ZNF609: variants seen among roughly 807,000 people sequenced by gnomAD.
ZNF609 encodes zinc finger protein 609.
ZNF609 carries 11 observed loss-of-function variants against 109.5 expected under a neutral mutation model. That is an observed-to-expected ratio of 0.10 (90% CI 0.06 to 0.17). The LOEUF (loss-of-function observed/expected upper bound fraction) is 0.17, where lower values mean the gene tolerates loss of function less well. Ranked by LOEUF, ZNF609 falls within the 10% of genes least tolerant of loss-of-function variation. The probability of loss-of-function intolerance (pLI) is 1.00; values close to 1 mark genes in which losing one functional copy is unlikely to be tolerated. For missense variants in ZNF609, 1,559 were observed against 1,772.4 expected (o/e 0.88, Z 2.16); for synonymous variants, 646 against 662.0 (o/e 0.98, Z 0.37).
chr15:64,537,054 C>T (rs1413149489), intron 2 of ZNF609, among the ~76,000 whole-genome samples: 1 of 151,576 alleles, frequency 6.6e-6, no homozygotes, highest in African/African-American at 2.4e-5. Flanking sequence ...GAAACCCCGT[C>T]TCTACTAAAA....
In ZNF609 at chr15:64,675,047, C is replaced by A. The variant is rs1401950447; in HGVS notation, c.2193C>A (p.Asp731Glu). The A allele has an allele frequency of 3.7e-6, 6 of 1,612,954 alleles. No homozygotes were observed. Among genetic ancestry groups the A allele is most frequent in the Non-Finnish European group, 5.1e-6 (6 of 1,179,694 alleles). ...CAGCCAAGGACAAGAAAAAGAAAGA[C>A]AAAAAAAAGAAGGAATCTTCAAAGG... is the stretch of plus-strand genomic sequence containing the variant. ...LTPAKDKKKKDKKKKESSKEL... is the reference protein window; with the variant it reads ...LTPAKDKKKKEKKKKESSKEL... Residue 731 changes from aspartate to glutamate, a missense_variant, in exon 5 of 10, where the codon GAC becomes GAA. Transcript: ENST00000326648.
intron 2 of ZNF609, 180 bp downstream of exon 2, chr15:64,500,346 C>T: frequency 1.1e-6 from 1 of 885,690 alleles, no homozygotes; most frequent in African/African-American, 1.6e-5. Flanking sequence ...GATTCCCCTA[C>T]AGACTCATTT....
intron 1 of ZNF609, among the ~76,000 whole-genome samples, chr15:64,466,901 A>T (rs1035191165): frequency 3.3e-5 from 5 of 151,646 alleles, no homozygotes; most frequent in Non-Finnish European, 5.9e-5. Context: ...CACAACCCAG[A>T]TCCTCCACCT....
At chr15:64,648,137 A>G (rs1489225849) in intron 3 of ZNF609, among the ~76,000 whole-genome samples, 1 of 152,206 alleles carries the variant, frequency 6.6e-6, no homozygotes, top group Non-Finnish European at 1.5e-5. Flanking sequence ...CACCGAAAAT[A>G]CGAGCTCCTG....
rs1895329885 is a variant in ZNF609, at chr15:64,593,107, CAT to C, written c.748-29718_748-29717del. ...CCATTAAGAAATTCGTCATTCGAAA[CAT>C]AGTGGAGTCCGCAGCAGTCAGGGAC... On this transcript the variant is annotated intron_variant, in intron 2 of 9. Coordinates refer to ENST00000326648, the MANE Select transcript of ZNF609 (RefSeq NM_015042.2). 1.9e-6 allele frequency: 3 copies of C among 1,592,964 alleles called. No individual in the cohort carries two copies. The South Asian group carries it at 3.3e-5, about 18-fold the overall frequency.
At position 64,685,148 on chromosome 15, in the gene ZNF609, C is replaced by T. The variant is rs1251514604; in HGVS notation, c.*3462C>T. ...CTTCCCTTCTGTAAAGTGTACATTA[C>T]CAAGTTCCTTGTTTTTTTATATATA... is the stretch of plus-strand genomic sequence containing the variant. On this transcript the variant is annotated 3_prime_UTR_variant, in exon 10 of 10. Transcript: ENST00000326648. 1 of 151,522 alleles carries T rather than the reference C, an allele frequency of 6.6e-6. No homozygotes were observed. The highest frequency in any genetic ancestry group is 1.5e-5 in the Non-Finnish European group (1 of 67,870). The allele number at this position is 151,522 out of a possible 1,614,324, so 9.4% of individuals were successfully genotyped here.
chr15:64,609,096 C>CTT (rs1194226131), intron 2 of ZNF609, among the ~76,000 whole-genome samples: 34 of 33,710 alleles, frequency 1.0e-3, no homozygotes, highest in African/African-American at 1.8e-3. Flanking sequence ...TTCTTTCTTT[C>CTT]TTTCTTTCTT....
At chr15:64,490,835 G>A (rs760775199) in intron 1 of ZNF609, among the ~76,000 whole-genome samples, 33 of 152,216 alleles carry the variant, frequency 2.2e-4, no homozygotes, top group Non-Finnish European at 4.4e-4. Context: ...TGATGGAAGA[G>A]TCAGTTGCTT....
In ZNF609 at chr15:64,674,332, T is replaced by C. The variant is rs908899334; in HGVS notation, c.1478T>C (p.Val493Ala). ...TVLDRNCPSP[V>A]LIDCPHPNCN... ...CTGGACAGAAACTGCCCCTCCCCCG[T>C]CCTAATTGACTGTCCCCACCCAAAC... Residue 493 changes from valine to alanine, a missense_variant, in exon 5 of 10, where the codon GTC becomes GCC. Coordinates refer to ENST00000326648, the MANE Select transcript of ZNF609 (RefSeq NM_015042.2). The C allele has an allele frequency of 6.2e-7, 1 of 1,613,850 alleles. No individual in the cohort carries two copies. Among genetic ancestry groups the C allele is most frequent in the Non-Finnish European group, 8.5e-7 (1 of 1,179,986 alleles).
rs766997169 is a variant in ZNF609 at position 64,676,104 on chromosome 15, G to A, written c.3250G>A (p.Asp1084Asn). 6 of 1,614,112 alleles carry A rather than the reference G, an allele frequency of 3.7e-6. No individual in the cohort carries two copies. Among genetic ancestry groups the A allele is most frequent in the Admixed American group, 1.7e-5 (1 of 60,016 alleles). Reference protein sequence around the residue: ...PAKSVIIPKLDDSSKLPGQAP... With the variant: ...PAKSVIIPKLNDSSKLPGQAP... The stretch of plus-strand genomic sequence containing the variant: ...CAAATCAGTCATCATTCCCAAGTTA[G>A]ATGACTCTTCAAAACTCCCGGGCCA... Residue 1084 changes from aspartate (D) to asparagine (N), a missense_variant, in exon 5 of 10, where the codon GAT becomes AAT. This residue lies in a region of ZNF609 where 1,204 missense variants were observed against 1,314.1 expected (regional missense o/e 0.92). Transcript: ENST00000326648.
intron 2 of ZNF609, among the ~76,000 whole-genome samples, chr15:64,581,604 C>T (rs1168066124): frequency 6.6e-6 from 1 of 152,084 alleles, no homozygotes; most frequent in Non-Finnish European, 1.5e-5. Flanking sequence ...ATGATAATTC[C>T]CTGGGAATGA....
At chr15:64,555,763 T>C (rs1324494822) in intron 2 of ZNF609, among the ~76,000 whole-genome samples, 1 of 151,428 alleles carries the variant, frequency 6.6e-6, no homozygotes, top group South Asian at 2.1e-4. Context: ...GTGCCTGTAA[T>C]CCCAGCTACT....
At chr15:64,494,532 A>ATGTTTT (rs1216998141) in intron 1 of ZNF609, among the ~76,000 whole-genome samples, 16 of 151,968 alleles carry the variant, frequency 1.1e-4, no homozygotes, top group African/African-American at 3.9e-4. Context: ...ACATATATAT[A>ATGTTTT]TGTTTTTGTT....
chr15:64,601,177 C>G lies in ZNF609; in HGVS notation c.748-21650C>G, dbSNP rs568145900. Among the ~76,000 whole-genome samples the G allele has an allele frequency of 6.6e-5, 10 of 152,236 alleles. No homozygotes were observed. The South Asian group carries it at 8.3e-4, about 13-fold the overall frequency. On this transcript the variant is annotated intron_variant, in intron 2 of 9. Coordinates refer to ENST00000326648, the MANE Select transcript of ZNF609 (RefSeq NM_015042.2). ...AATAATTTTATTTTACAATAAAGCC[C>G]TTTCTTCCCATGAAACCTAGAGCAT...
At chr15:64,482,375 C>T (rs1398350771) in intron 1 of ZNF609, among the ~76,000 whole-genome samples, 1 of 151,502 alleles carries the variant, frequency 6.6e-6, no homozygotes, top group Non-Finnish European at 1.5e-5. Flanking sequence ...ATTTCCTATA[C>T]GTTTTTTTTT....
chr15:64,500,791 G>A lies in ZNF609; in HGVS notation c.747+625G>A, dbSNP rs192181027. ...TTGTGGTTATGACAGTTTGGCCTAG[G>A]AAGAGATTGGCCATTAAAGGTGTAG... On this transcript the variant is annotated intron_variant, in intron 2 of 9. Transcript: ENST00000326648. 680 of 196,788 alleles carry A rather than the reference G, an allele frequency of 3.5e-3. 4 individuals are homozygous for A. The highest frequency in any genetic ancestry group is 3.7e-3 in the Non-Finnish European group (353 of 95,760). The allele number at this position is 196,788 out of a possible 1,614,324, so 12.2% of individuals were successfully genotyped here. A position where few individuals can be genotyped will look rare whatever the true frequency, so the allele number is the denominator to read the frequency against.
intron 4 of ZNF609, among the ~76,000 whole-genome samples, chr15:64,672,006 CTTTTTTTTT>C (rs771330218): frequency 2.3e-5 from 2 of 86,754 alleles, no homozygotes; most frequent in African/African-American, 1.1e-4. Context: ...GAGGCTTAGA[CTTTTTTTTT>C]TTTTTTTTTT....
At chr15:64,593,688 G>GGCTAATGTTT (rs1482685672) in intron 2 of ZNF609, among the ~76,000 whole-genome samples, 1 of 152,028 alleles carries the variant, frequency 6.6e-6, no homozygotes, top group Non-Finnish European at 1.5e-5. Context: ...CACCATACCT[G>GGCTAATGTTT]GCTAATGTTT....
intron 1 of ZNF609, among the ~76,000 whole-genome samples, chr15:64,468,334 T>C (rs983086002): frequency 1.3e-5 from 2 of 151,610 alleles, no homozygotes; most frequent in Non-Finnish European, 2.9e-5. Context: ...TCTCCTTCCT[T>C]AAGACAGGGT....
Sources: allele counts gnomAD v4.1 joint callset (sites outside exome capture counted in the v4.1 genomes callset), GRCh38; gene constraint gnomAD v4.1.1; regional missense constraint gnomAD v4.1.1; transcripts MANE v1.5; gene names NCBI Gene and HGNC (gene_info 2026-07-23, HGNC 2026-07-21).